The following PHACTR1 variants were observed in gnomAD, a reference collection of about 807,000 sequenced individuals.
The protein encoded by PHACTR1 is phosphatase and actin regulator 1.
In PHACTR1, 16 loss-of-function variants were observed where a neutral mutation model predicts 69.2. That is an observed-to-expected ratio of 0.23 (90% CI 0.16 to 0.35). The LOEUF (loss-of-function observed/expected upper bound fraction) is 0.35, where lower values mean the gene tolerates loss of function less well. PHACTR1 is among the 10% of genes least tolerant of loss of function. The pLI is 1.00. For synonymous variants in PHACTR1, 312 were observed against 284.5 expected, an observed-to-expected ratio of 1.10 and a Z score of -0.97; for missense variants, 510 against 734.7, an observed-to-expected ratio of 0.69 and a Z score of 3.54.
chr6:12,876,663 A>C lies in PHACTR1; in HGVS notation c.250+126873A>C, dbSNP rs1782553762. 2.0e-5 allele frequency among the ~76,000 whole-genome samples: 3 copies of C among 152,224 alleles called. No individual in the cohort carries two copies. The South Asian group carries it at 6.2e-4, about 32-fold the overall frequency. On this transcript the variant is annotated intron_variant, in intron 4 of 14. Transcript: ENST00000332995. ...TTGATTCCAAAATACACATCAACAA[A>C]AAAAAGTCCTAAACTTGCATCATCC...
At chr6:13,196,380 G>T (rs562659486) in intron 7 of PHACTR1, 60 of 153,064 alleles carry the variant, frequency 3.9e-4, no homozygotes, top group Non-Finnish European at 4.1e-4. Context: ...AGCAAAGGAC[G>T]CAGGTTTTCA....
intron 4 of PHACTR1, among the ~76,000 whole-genome samples, chr6:12,886,215 C>T (rs1412345906): frequency 1.3e-5 from 2 of 151,638 alleles, no homozygotes; most frequent in Non-Finnish European, 1.5e-5. Flanking sequence ...TGAAGCAAAC[C>T]ACAAGTGCAT....
intron 4 of PHACTR1, among the ~76,000 whole-genome samples, chr6:12,905,580 G>C (rs568920399): frequency 1.4e-4 from 21 of 152,290 alleles, no homozygotes; most frequent in African/African-American, 4.6e-4. Flanking sequence ...CTATGTGACA[G>C]ACAGCAGGAG....
chr6:13,250,393 G>A (rs553871448), intron 10 of PHACTR1, among the ~76,000 whole-genome samples: 11 of 152,230 alleles, frequency 7.2e-5, no homozygotes, highest in East Asian at 5.8e-4. Flanking sequence ...GTCCAGATCC[G>A]CCTGTGAAGC....
intron 5 of PHACTR1, among the ~76,000 whole-genome samples, chr6:13,130,341 A>T (rs903090921): frequency 1.3e-5 from 2 of 152,146 alleles, no homozygotes; most frequent in African/African-American, 4.8e-5. Context: ...TTGAAACAAA[A>T]AAAATTACAA....
chr6:13,067,675 C>T (rs1808865157), intron 5 of PHACTR1, among the ~76,000 whole-genome samples: 1 of 152,086 alleles, frequency 6.6e-6, no homozygotes, highest in South Asian at 2.1e-4. Flanking sequence ...TGAAACAAAC[C>T]TTCAGAATCA....
chr6:12,877,709 C>T, intron 4 of PHACTR1, among the ~76,000 whole-genome samples: 1 of 152,220 alleles, frequency 6.6e-6, no homozygotes, highest in South Asian at 2.1e-4. Context: ...ATCTGGCAAG[C>T]TACTCCTCCT....
At chr6:12,777,619 C>A (rs1294551856) in intron 4 of PHACTR1, among the ~76,000 whole-genome samples, 3 of 110,188 alleles carry the variant, frequency 2.7e-5, no homozygotes, top group South Asian at 3.7e-4. Flanking sequence ...ACCACCCTTT[C>A]TTCTTCTTTT....
Position 13,010,786 on chromosome 6 carries a change from A to G in PHACTR1, c.251-42579A>G, listed in dbSNP as rs1013344426. On this transcript the variant is annotated intron_variant, in intron 4 of 14. Coordinates refer to ENST00000332995, the MANE Select transcript of PHACTR1 (RefSeq NM_030948.6). ...GCTAAGTGACACTGAGCGTGATCAC[A>G]GGAGCTCGTCCTCATTTAGATCAAC... 3.3e-5 allele frequency among the ~76,000 whole-genome samples: 5 copies of G among 152,068 alleles called. 1 individual carries two copies. Among genetic ancestry groups the G allele is most frequent in the Non-Finnish European group, 7.4e-5 (5 of 67,990 alleles).
At chr6:12,819,471 G>A (rs1464394680) in intron 4 of PHACTR1, among the ~76,000 whole-genome samples, 1 of 152,062 alleles carries the variant, frequency 6.6e-6, no homozygotes, top group African/African-American at 2.4e-5. Flanking sequence ...CACACTTCAC[G>A]CAGTAAGGTA....
chr6:12,868,301 A>C (rs973630699), intron 4 of PHACTR1, among the ~76,000 whole-genome samples: 18 of 151,702 alleles, frequency 1.2e-4, no homozygotes, highest in African/African-American at 4.1e-4. Context: ...ACCAGTGCAC[A>C]TGTCAACCCT....
chr6:13,102,580 G>T (rs1815346961), intron 5 of PHACTR1, among the ~76,000 whole-genome samples: 2 of 152,116 alleles, frequency 1.3e-5, no homozygotes, highest in African/African-American at 4.8e-5. Context: ...TTTTGGTGTG[G>T]TTTCTTTTGG....
At chr6:12,885,827 G>A (rs1443079978) in intron 4 of PHACTR1, among the ~76,000 whole-genome samples, 2 of 152,160 alleles carry the variant, frequency 1.3e-5, no homozygotes, top group African/African-American at 2.4e-5. Flanking sequence ...GGACACAGTG[G>A]CCCACGCCTG....
intron 5 of PHACTR1, among the ~76,000 whole-genome samples, chr6:13,053,988 AAAC>A (rs1029602405): frequency 2.1e-5 from 3 of 143,958 alleles, no homozygotes; most frequent in African/African-American, 7.7e-5. Context: ...CATAGCAGGA[AAAC>A]AAAGAATACA....
At position 13,184,910 on chromosome 6, in the gene PHACTR1, A is replaced by G. The variant is rs753222611; in HGVS notation, c.664+2224A>G. 7 of 1,366,350 alleles carry G rather than the reference A, an allele frequency of 5.1e-6. No homozygotes were observed. In the African/African-American group the frequency reaches 1.0e-4, roughly 20 times the overall value. The allele number at this position is 1,366,350 out of a possible 1,614,324, so 84.6% of individuals were successfully genotyped here. On this transcript the variant is annotated intron_variant, in intron 7 of 14. Coordinates refer to ENST00000332995, the MANE Select transcript of PHACTR1 (RefSeq NM_030948.6). ...AAAAAACCTGCTGCTTTCCCTGGAGACCATGAAGAGACCCCAGTGAAGCAG... is the reference window on the plus strand; with the variant it reads ...AAAAAACCTGCTGCTTTCCCTGGAGGCCATGAAGAGACCCCAGTGAAGCAG...
At chr6:13,219,751 G>A (rs536165600) in intron 8 of PHACTR1, among the ~76,000 whole-genome samples, 1 of 152,298 alleles carries the variant, frequency 6.6e-6, no homozygotes, top group East Asian at 1.9e-4. Flanking sequence ...TAGCTGGATT[G>A]TGTGAACATC....
At chr6:12,934,801 A>T (rs182566789) in intron 4 of PHACTR1, among the ~76,000 whole-genome samples, 3 of 151,272 alleles carry the variant, frequency 2.0e-5, no homozygotes. Flanking sequence ...ATGCCACTAC[A>T]CTCCAGTCTA....
At chr6:13,042,201 A>G (rs1301006576) in intron 4 of PHACTR1, among the ~76,000 whole-genome samples, 1 of 152,232 alleles carries the variant, frequency 6.6e-6, no homozygotes, top group Non-Finnish European at 1.5e-5. Flanking sequence ...CCCCACCTAC[A>G]TAATGGGGGT....
chr6:12,938,877 A>C (rs998897196), intron 4 of PHACTR1, among the ~76,000 whole-genome samples: 1 of 152,108 alleles, frequency 6.6e-6, no homozygotes, highest in Non-Finnish European at 1.5e-5. Flanking sequence ...ACGTTGTTGC[A>C]GATCTCAACA....
Sources: allele counts gnomAD v4.1 joint callset (sites outside exome capture counted in the v4.1 genomes callset), GRCh38; gene constraint gnomAD v4.1.1; transcripts MANE v1.5; gene names NCBI Gene and HGNC (gene_info 2026-07-23, HGNC 2026-07-21).